COL9A1: variants seen among roughly 807,000 people sequenced by gnomAD.
COL9A1 encodes collagen type IX alpha 1 chain, also known as collagen alpha-1(IX) chain.
In COL9A1, 104 loss-of-function variants were observed where a neutral mutation model predicts 142.6. The ratio of observed to expected loss-of-function variants is 0.73; its 90% CI spans 0.62 to 0.86. COL9A1 has a LOEUF of 0.86. Ranked by LOEUF, COL9A1 falls within the 40% of genes least tolerant of loss-of-function variation. COL9A1 has a pLI of 0.00. For synonymous variants in COL9A1, 466 were observed against 396.0 expected (o/e 1.18, Z -2.10); for missense variants, 1,210 against 1,176.6 (o/e 1.03, Z -0.42).
At chr6:70,256,375 T>C (rs1406454841) in intron 21 of COL9A1, among the ~76,000 whole-genome samples, 1 of 152,042 alleles carries the variant, frequency 6.6e-6, no homozygotes, top group Non-Finnish European at 1.5e-5. Context: ...AAACCTAAAA[T>C]AATGACACAT....
chr6:70,245,089 T>C (rs1770509951), intron 28 of COL9A1, among the ~76,000 whole-genome samples: 1 of 152,234 alleles, frequency 6.6e-6, no homozygotes, highest in Non-Finnish European at 1.5e-5. Flanking sequence ...ATGCAGGTAA[T>C]TTTACAGAAA....
At chr6:70,295,211 T>A (rs1359614582) in intron 4 of COL9A1, among the ~76,000 whole-genome samples, 1 of 151,922 alleles carries the variant, frequency 6.6e-6, no homozygotes, top group East Asian at 1.9e-4. Context: ...AAGTAGCAGT[T>A]TGACACTGGA....
intron 16 of COL9A1, 124 bp downstream of exon 16, chr6:70,269,509 A>G: frequency 1.4e-6 from 1 of 731,030 alleles, no homozygotes; most frequent in Non-Finnish European, 2.5e-6. Flanking sequence ...CTGCTCTGCC[A>G]TTTGAGTGAA....
chr6:70,300,848 A>G (rs1774035996), intron 2 of COL9A1, among the ~76,000 whole-genome samples: 1 of 152,202 alleles, frequency 6.6e-6, no homozygotes, highest in Admixed American at 6.5e-5. Context: ...TTAGGATTCC[A>G]GTGAGATTCC....
chr6:70,294,408 G>A lies in COL9A1; in HGVS notation c.455C>T (p.Ser152Phe). The A allele has an allele frequency of 6.2e-7, 1 of 1,614,128 alleles. No homozygotes were observed. Among genetic ancestry groups the A allele is most frequent in the Non-Finnish European group, 8.5e-7 (1 of 1,180,000 alleles). ...VGIKINGQTQSVVFSYKGLDG... is the reference protein window; with the variant it reads ...VGIKINGQTQFVVFSYKGLDG... ...CAGTCCCTTGTATGAAAATACAACA[G>A]ATTGTGTTTGGCCATTAATCTTTAT... is the stretch of plus-strand genomic sequence containing the variant. Residue 152 changes from serine to phenylalanine, a missense_variant, in exon 5 of 38, where the codon TCT becomes TTT. Physicochemically the swap from Ser to Phe is radical, Grantham distance 155. Coordinates refer to ENST00000357250, the MANE Select transcript of COL9A1 (RefSeq NM_001851.6).
At chr6:70,225,337 G>C (rs1261307154) in intron 37 of COL9A1, among the ~76,000 whole-genome samples, 1 of 152,192 alleles carries the variant, frequency 6.6e-6, no homozygotes, top group Non-Finnish European at 1.5e-5. Context: ...AGAAGGCCCA[G>C]TGAGAGAATC....
intron 18 of COL9A1, among the ~76,000 whole-genome samples, chr6:70,265,310 T>C (rs750615762): frequency 6.6e-6 from 1 of 151,986 alleles, no homozygotes; most frequent in Non-Finnish European, 1.5e-5. Flanking sequence ...GAAAGCATCA[T>C]CAAAAGAAGG....
chr6:70,301,881 T>C (rs1774075843), intron 2 of COL9A1, 120 bp downstream of exon 2: 2 of 807,726 alleles, frequency 2.5e-6, no homozygotes. Context: ...CAAAGCTGGA[T>C]TGAAGAGTGA....
chr6:70,245,032 C>T (rs996992463), intron 28 of COL9A1, among the ~76,000 whole-genome samples: 2 of 152,150 alleles, frequency 1.3e-5, no homozygotes, highest in Non-Finnish European at 2.9e-5. Flanking sequence ...GCATGTGGTT[C>T]CTCATTTTTA....
rs999454704 is a variant in COL9A1 at position 70,261,424 on chromosome 6, C to A, written c.1396-714G>T. Among the ~76,000 whole-genome samples the A allele has an allele frequency of 4.1e-4, 62 of 152,252 alleles. 1 individual carries two copies. Among genetic ancestry groups the A allele is most frequent in the African/African-American group, 1.4e-3 (60 of 41,548 alleles). On this transcript the variant is annotated intron_variant, in intron 19 of 37. Transcript: ENST00000357250. The stretch of plus-strand genomic sequence containing the variant: ...AGAAATGGATCCTGGAAGGAGTGAG[C>A]TTGGGAATACCCTTGGAAGCAGAGG...
chr6:70,273,112 A>G (rs1027116466), intron 12 of COL9A1, among the ~76,000 whole-genome samples: 2 of 152,174 alleles, frequency 1.3e-5, no homozygotes, highest in Non-Finnish European at 2.9e-5. Flanking sequence ...GACAGGAAAA[A>G]CAAGCAAGAA....
intron 30 of COL9A1, 47 bp from the exon 31 acceptor site, chr6:70,241,501 A>G (rs1222681658): frequency 1.3e-6 from 2 of 1,523,720 alleles, no homozygotes; most frequent in Non-Finnish European, 1.8e-6. Context: ...TCAACTGTTT[A>G]TATAATTTCA....
intron 37 of COL9A1, among the ~76,000 whole-genome samples, chr6:70,218,745 T>C (rs1310234877): frequency 2.0e-5 from 3 of 152,206 alleles, no homozygotes; most frequent in African/African-American, 4.8e-5. Context: ...TTCATATATA[T>C]CTCACATATT....
intron 1 of COL9A1, 110 bp downstream of exon 1, chr6:70,302,801 C>A (rs2127610022): frequency 2.5e-6 from 3 of 1,213,994 alleles, no homozygotes; most frequent in East Asian, 4.6e-5. Context: ...TGTCTCTCAC[C>A]TTGAGGCTCA....
intron 4 of COL9A1, among the ~76,000 whole-genome samples, chr6:70,297,186 T>C (rs1773876731): frequency 6.6e-6 from 1 of 152,112 alleles, no homozygotes; most frequent in Admixed American, 6.6e-5. Flanking sequence ...ACTTGGTGTA[T>C]GTAATGCCAA....
intron 15 of COL9A1, among the ~76,000 whole-genome samples, chr6:70,270,060 A>T (rs376227513): frequency 1.3e-5 from 2 of 152,214 alleles, no homozygotes; most frequent in African/African-American, 4.8e-5. Context: ...AGCATTTGAG[A>T]CATCACAACT....
rs13202029 is a variant in COL9A1 at position 70,241,400 on chromosome 6, A to G, written c.2034+19T>C. The G allele has an allele frequency of 0.18, 287,657 of 1,597,660 alleles. 28,676 individuals carry two copies. Among genetic ancestry groups the G allele is most frequent in the Non-Finnish European group, 0.21 (240,397 of 1,164,750 alleles). On this transcript the variant is annotated intron_variant, in intron 31 of 37. Transcript: ENST00000357250. ...ATATCAAACATTGCATTTTATACCA[A>G]TTAAATAATAAGACTGACCTGTTCA...
intron 5 of COL9A1, among the ~76,000 whole-genome samples, chr6:70,286,336 C>T (rs1173012718): frequency 6.6e-6 from 1 of 152,112 alleles, no homozygotes; most frequent in Non-Finnish European, 1.5e-5. Context: ...CTTATTTTGC[C>T]AGGTTGTTAA....
chr6:70,232,286 G>C (rs963463286), intron 36 of COL9A1, among the ~76,000 whole-genome samples: 15 of 152,120 alleles, frequency 9.9e-5, no homozygotes, highest in African/African-American at 3.1e-4. Flanking sequence ...TCGTTTACCA[G>C]ATCCCATTAT....
Sources: gnomAD v4.1 joint callset for allele counts (sites outside exome capture counted in the v4.1 genomes callset) on GRCh38, gnomAD v4.1.1 for gene constraint, MANE v1.5 for transcripts, NCBI Gene and HGNC (gene_info 2026-07-23, HGNC 2026-07-21) for gene names.